The following BABAM2 variants were observed in gnomAD, a reference collection of about 807,000 sequenced individuals.
BABAM2 encodes the protein BRISC and BRCA1 A complex member 2.
A neutral mutation model predicts 54.7 loss-of-function variants in BABAM2; 31 were observed. The observed-to-expected ratio is 0.57, with a 90% confidence interval of 0.43 to 0.77. The LOEUF is 0.77. BABAM2 is among the 30% of genes least tolerant of loss of function. The probability of loss-of-function intolerance (pLI) is 0.00; values close to 1 mark genes in which losing one functional copy is unlikely to be tolerated. For synonymous variants in BABAM2, 167 were observed against 162.9 expected, an observed-to-expected ratio of 1.03 and a Z score of -0.19; for missense variants, 364 against 455.8, an observed-to-expected ratio of 0.80 and a Z score of 1.83.
chr2:28,259,930 C>T (rs1339782573), intron 10 of BABAM2, among the ~76,000 whole-genome samples: 3 of 148,404 alleles, frequency 2.0e-5, no homozygotes, highest in African/African-American at 4.9e-5. Context: ...GATGGAGTCT[C>T]GCTTTTGTCG....
At chr2:28,169,405 A>G (rs1317396768) in intron 7 of BABAM2, among the ~76,000 whole-genome samples, 1 of 152,174 alleles carries the variant, frequency 6.6e-6, no homozygotes, top group Admixed American at 6.5e-5. Flanking sequence ...TGTAATTCTA[A>G]CCTGAGTGGA....
chr2:28,293,009 A>G (rs1340706545), intron 10 of BABAM2, among the ~76,000 whole-genome samples: 1 of 152,212 alleles, frequency 6.6e-6, no homozygotes, highest in African/African-American at 2.4e-5. Context: ...GCTTTTTGTT[A>G]CTACACTGAA....
chr2:28,085,692 T>C (rs951047960), intron 6 of BABAM2, among the ~76,000 whole-genome samples: 4 of 152,192 alleles, frequency 2.6e-5, no homozygotes, highest in Non-Finnish European at 5.9e-5. Context: ...AATTGATTCT[T>C]CTTGTTGTGC....
At chr2:27,931,592 T>TTAAAAATTTTTAA (rs1668100106) in intron 3 of BABAM2, among the ~76,000 whole-genome samples, 3 of 152,196 alleles carry the variant, frequency 2.0e-5, no homozygotes, top group Non-Finnish European at 2.9e-5. Context: ...TTGGTTACCC[T>TTAAAAATTTTTAA]GTAGCTTAAA....
At chr2:28,033,250 A>G (rs1032609674) in intron 5 of BABAM2, among the ~76,000 whole-genome samples, 15 of 151,966 alleles carry the variant, frequency 9.9e-5, no homozygotes, top group Non-Finnish European at 1.5e-4. Flanking sequence ...TATTATCTCT[A>G]TTTTATATTG....
chr2:28,326,591 A>T (rs543688778), intron 11 of BABAM2, among the ~76,000 whole-genome samples: 2 of 152,314 alleles, frequency 1.3e-5, no homozygotes, highest in Admixed American at 6.5e-5. Flanking sequence ...CAAGCAGGTT[A>T]TGATGGGCAC....
rs536218458 is a variant in BABAM2, at chr2:28,097,170, G to A, written c.571-32101G>A. Among the ~76,000 whole-genome samples the A allele has an allele frequency of 1.5e-4, 23 of 152,260 alleles. No individual in the cohort carries two copies. The South Asian group carries it at 3.5e-3, about 23-fold the overall frequency. On this transcript the variant is annotated intron_variant, in intron 6 of 11. Coordinates refer to ENST00000379624, the MANE Select transcript of BABAM2 (RefSeq NM_199191.3). Reference sequence around the variant, plus strand: ...AGCCATGGGGAACCATAGCTGTAGGGAAACCGTGATGCCTGCCAGCAAAGG... The same window carrying A: ...AGCCATGGGGAACCATAGCTGTAGGAAAACCGTGATGCCTGCCAGCAAAGG...
intron 6 of BABAM2, among the ~76,000 whole-genome samples, chr2:28,092,999 T>G (rs1666291942): frequency 6.6e-6 from 1 of 152,196 alleles, no homozygotes; most frequent in African/African-American, 2.4e-5. Context: ...ATCATCAAAT[T>G]ATTAAAAGGT....
chr2:28,176,119 T>G (rs1383220980), intron 7 of BABAM2, among the ~76,000 whole-genome samples: 1 of 152,158 alleles, frequency 6.6e-6, no homozygotes, highest in African/African-American at 2.4e-5. Flanking sequence ...GAAGTGACTT[T>G]TGCACCAAAT....
rs971298736 is a variant in BABAM2 at position 28,322,466 on chromosome 2, C to A, written c.1089-15984C>A. On this transcript the variant is annotated intron_variant, in intron 11 of 11. Transcript: ENST00000379624. This position sits in a 1 kb window ranked among gnomAD's most constrained non-coding sequence, Gnocchi z 4.1. ...AAGAACCCTGTAACTCTTAGAGGCG[C>A]CTTTGAGCAACGCGCTCTCAAGGTG... Among the ~76,000 whole-genome samples the A allele has an allele frequency of 2.0e-5, 3 of 152,246 alleles. No individual in the cohort carries two copies. The highest frequency in any genetic ancestry group is 7.2e-5 in the African/African-American group (3 of 41,462).
chr2:27,912,188 T>C (rs1666650995), intron 2 of BABAM2, among the ~76,000 whole-genome samples: 1 of 152,102 alleles, frequency 6.6e-6, no homozygotes, highest in African/African-American at 2.4e-5. Flanking sequence ...TAAACACATA[T>C]AGTTATTTTA....
At chr2:27,991,993 A>G (rs1421372270) in intron 4 of BABAM2, among the ~76,000 whole-genome samples, 1 of 152,276 alleles carries the variant, frequency 6.6e-6, no homozygotes, top group South Asian at 2.1e-4. Context: ...TGAGTGTTTC[A>G]GTTTCTCCAC....
intron 6 of BABAM2, among the ~76,000 whole-genome samples, chr2:28,065,594 G>C (rs1663453052): frequency 2.0e-5 from 3 of 152,286 alleles, no homozygotes; most frequent in Middle Eastern, 6.8e-3. Flanking sequence ...GTTTTGTCCT[G>C]TAGTAATTCG....
chr2:28,153,712 A>G (rs1043929102), intron 7 of BABAM2, among the ~76,000 whole-genome samples: 3 of 152,198 alleles, frequency 2.0e-5, no homozygotes, highest in Non-Finnish European at 4.4e-5. Context: ...CCCATGCCAG[A>G]CCTACCAAAT....
At chr2:28,151,174 A>T in intron 7 of BABAM2, among the ~76,000 whole-genome samples, 1 of 152,176 alleles carries the variant, frequency 6.6e-6, no homozygotes, top group Non-Finnish European at 1.5e-5. Context: ...CAGATACTAT[A>T]CCTGCAGCTC....
chr2:28,202,967 C>CA (rs952777979), intron 7 of BABAM2, among the ~76,000 whole-genome samples: 8 of 152,154 alleles, frequency 5.3e-5, no homozygotes, highest in Non-Finnish European at 8.8e-5. Flanking sequence ...TCCACCCCCC[C>CA]ACAGAAAGAA....
chr2:28,025,270 T>C lies in BABAM2; in HGVS notation c.345T>C (p.Leu115=). 6.2e-7 allele frequency: 1 copy of C among 1,608,414 alleles called. No homozygotes were observed. Among genetic ancestry groups the C allele is most frequent in the South Asian group, 1.1e-5 (1 of 89,388 alleles). Residue 115 remains leucine (L), a synonymous_variant, in exon 5 of 12, where the codon CTT becomes CTC. Transcript: ENST00000379624. Reference sequence around the variant, plus strand: ...CTTCAAATCCTGAATGTCTCTTACTTGTGGTGAAGGAACTTGTGCAACAAT... The same window carrying C: ...CTTCAAATCCTGAATGTCTCTTACTCGTGGTGAAGGAACTTGTGCAACAAT... ...WNPSNPECLL[L]VVKELVQQYH... is the part of the protein sequence containing the mutation.
At chr2:28,245,427 T>C (rs1306421063) in intron 10 of BABAM2, among the ~76,000 whole-genome samples, 13 of 152,254 alleles carry the variant, frequency 8.5e-5, no homozygotes, top group Admixed American at 7.2e-4. Context: ...TGTTTTAATG[T>C]ATCCCCAACA....
intron 10 of BABAM2, among the ~76,000 whole-genome samples, chr2:28,269,426 A>C (rs1474322527): frequency 6.6e-6 from 1 of 152,194 alleles, no homozygotes; most frequent in Admixed American, 6.5e-5. Context: ...CAGAAAACTC[A>C]ATCTGTCCAA....
Sources: gnomAD v4.1 joint callset for allele counts (sites outside exome capture counted in the v4.1 genomes callset) on GRCh38, gnomAD v4.1.1 for gene constraint, Gnocchi (gnomAD v3.1) non-coding constraint, MANE v1.5 for transcripts, NCBI Gene and HGNC (gene_info 2026-07-23, HGNC 2026-07-21) for gene names.